The following MORN1 variants were observed in gnomAD, a reference collection of about 807,000 sequenced individuals.
MORN1 encodes MORN repeat containing 1.
A neutral mutation model predicts 61.9 loss-of-function variants in MORN1; 67 were observed. The observed-to-expected ratio is 1.08, with a 90% CI of 0.89 to 1.33. The LOEUF (loss-of-function observed/expected upper bound fraction) is 1.33. Among genes scored for constraint, MORN1 ranks in the 40% most tolerant of loss-of-function variants. The pLI is 0.00. For missense variants in MORN1, 752 were observed against 691.2 expected, an observed-to-expected ratio of 1.09 and a Z score of -0.99; for synonymous variants, 301 against 292.0, an observed-to-expected ratio of 1.03 and a Z score of -0.31.
rs1641794951 is a variant in MORN1, at chr1:2,357,249, G to A, written c.1036+183C>T. On this transcript the variant is annotated intron_variant, in intron 10 of 13. Coordinates refer to ENST00000378531, the MANE Select transcript of MORN1 (RefSeq NM_024848.3). The surrounding 1 kb of genome is among the most constrained non-coding windows in gnomAD (Gnocchi z 6.3). ...TCGGCTTGAGCCTCCGCAGCCACCC[G>A]TGACTGCTTGTCTGGGGATGTGGGC... Among the ~76,000 whole-genome samples, 1 of 152,178 alleles carries A rather than the reference G, an allele frequency of 6.6e-6. No homozygotes were observed.
At chr1:2,366,973 T>C (rs1642008390) in intron 8 of MORN1, among the ~76,000 whole-genome samples, 1 of 149,108 alleles carries the variant, frequency 6.7e-6, no homozygotes, top group South Asian at 2.1e-4. Context: ...CATAGAAAAA[T>C]ACATAGAAAA....
At chr1:2,345,717 C>CT (rs775947175) in intron 10 of MORN1, among the ~76,000 whole-genome samples, 2 of 152,224 alleles carry the variant, frequency 1.3e-5, no homozygotes, top group African/African-American at 4.8e-5. Flanking sequence ...GTGAGCAGCT[C>CT]TGACCCCAGG....
chr1:2,387,425 G>A lies in MORN1; in HGVS notation c.352C>T (p.Arg118Trp), dbSNP rs144594161. 8.1e-6 allele frequency: 13 copies of A among 1,611,942 alleles called. No homozygotes were observed. The highest frequency in any genetic ancestry group is 1.7e-4 in the Middle Eastern group (1 of 6,050). Residue 118 changes from arginine (R) to tryptophan (W), a missense_variant, in exon 4 of 14, where the codon CGG (arginine) becomes TGG (tryptophan). Physicochemically the swap from Arg to Trp is moderately radical, Grantham distance 101. Coordinates refer to ENST00000378531, the MANE Select transcript of MORN1 (RefSeq NM_024848.3). ...GCTCCTGTGGGCGCCAGACCTTCCC[G>A]CATGCCGTGGGAGACCTCCCCTTCA... ...CYEGEVSHGM[R>W]EGHGFLVDRD...
chr1:2,374,292 A>G (rs1416933355), intron 7 of MORN1, among the ~76,000 whole-genome samples, 169 bp downstream of exon 7: 1 of 152,198 alleles, frequency 6.6e-6, no homozygotes, highest in Non-Finnish European at 1.5e-5. Flanking sequence ...CACTTTTGAC[A>G]TCAGATTAGA....
chr1:2,388,352 C>T lies in MORN1; in HGVS notation c.149-15G>A, dbSNP rs773567575. The T allele has an allele frequency of 5.0e-6, 8 of 1,604,338 alleles. No individual in the cohort carries two copies. The East Asian group carries it at 1.1e-4, about 22-fold the overall frequency. ...CTTCCCGTGACCTGGCAGGAGAAAT[C>T]GTCACGTGAACTCAGACAGTGGTTG... On this transcript the variant is annotated splice_polypyrimidine_tract_variant and intron_variant, in intron 2 of 13. Transcript: ENST00000378531.
intron 12 of MORN1, among the ~76,000 whole-genome samples, chr1:2,324,915 G>T (rs911676222): frequency 1.3e-5 from 2 of 151,890 alleles, no homozygotes; most frequent in African/African-American, 4.8e-5. Flanking sequence ...AAGCAGGTGG[G>T]CCCTGAGGAC....
chr1:2,387,551 G>A lies in MORN1; in HGVS notation c.248-22C>T, dbSNP rs767808907. On this transcript the variant is annotated intron_variant, in intron 3 of 13. Transcript: ENST00000378531. ...TCTCCTGCATGTGGACAAGGAGGAGGGGAGACAGGAGGTTCAGTTCAGGGC... is the reference window on the plus strand; with the variant it reads ...TCTCCTGCATGTGGACAAGGAGGAGAGGAGACAGGAGGTTCAGTTCAGGGC... 5 of 1,564,110 alleles carry A rather than the reference G, an allele frequency of 3.2e-6. No homozygotes were observed. In the East Asian group the frequency reaches 1.1e-4, roughly 35 times the overall value.
intron 1 of MORN1, chr1:2,390,489 TCTC>T (rs1251592882): frequency 1.0e-6 from 1 of 985,258 alleles, no homozygotes; most frequent in Non-Finnish European, 1.2e-6. Flanking sequence ...GCCGGCTTCA[TCTC>T]CTCCTAGTTG....
chr1:2,381,544 A>G (rs1642371904), intron 6 of MORN1, among the ~76,000 whole-genome samples: 1 of 152,124 alleles, frequency 6.6e-6, no homozygotes, highest in East Asian at 1.9e-4. Flanking sequence ...AGGCGGTCCC[A>G]GGGCCTGCCC....
intron 10 of MORN1, among the ~76,000 whole-genome samples, chr1:2,338,680 C>A (rs1004795667): frequency 4.6e-5 from 7 of 152,154 alleles, no homozygotes; most frequent in African/African-American, 1.7e-4. Context: ...TTTTAGAAGC[C>A]CAGCAGGCAT....
rs182424447 is a variant in MORN1, at chr1:2,371,840, G to A, written c.745+641C>T. 615 of 177,700 alleles carry A rather than the reference G, an allele frequency of 3.5e-3. 8 individuals are homozygous for A. The highest frequency in any genetic ancestry group is 0.014 in the African/African-American group (568 of 41,774). The allele number at this position is 177,700 out of a possible 1,614,324, so 11.0% of individuals were successfully genotyped here. On this transcript the variant is annotated intron_variant, in intron 8 of 13. Coordinates refer to ENST00000378531, the MANE Select transcript of MORN1 (RefSeq NM_024848.3). ...GCAGAATCACTTGAACGCGGGAGGC[G>A]GAGGTTGCGGAGAGCCGACATTGCA...
intron 10 of MORN1, among the ~76,000 whole-genome samples, chr1:2,353,201 T>C (rs1012310443): frequency 1.2e-4 from 19 of 152,228 alleles, no homozygotes; most frequent in African/African-American, 4.3e-4. Context: ...GGGACTTCGG[T>C]TTCGTTTTTT....
intron 12 of MORN1, among the ~76,000 whole-genome samples, chr1:2,328,257 G>T (rs947653964): frequency 3.3e-5 from 5 of 152,282 alleles, no homozygotes; most frequent in Admixed American, 3.3e-4. Flanking sequence ...GCCAGGCCAG[G>T]GAGGGCGGTT....
chr1:2,384,269 G>A (rs888962112), intron 6 of MORN1, among the ~76,000 whole-genome samples: 39 of 152,188 alleles, frequency 2.6e-4, no homozygotes, highest in Admixed American at 2.4e-3. Flanking sequence ...GCCTTTGCCC[G>A]CACATCCAAC....
intron 10 of MORN1, chr1:2,355,380 T>C: frequency 1.3e-6 from 2 of 1,547,322 alleles, no homozygotes; most frequent in Non-Finnish European, 1.7e-6. Flanking sequence ...TGCTCTTTTA[T>C]ATGATGAATG....
intron 10 of MORN1, among the ~76,000 whole-genome samples, chr1:2,344,230 C>T (rs1419036026): frequency 6.6e-6 from 1 of 152,166 alleles, no homozygotes; most frequent in Non-Finnish European, 1.5e-5. Flanking sequence ...AGCGGCATCA[C>T]CTGAGGGCTG....
intron 12 of MORN1, among the ~76,000 whole-genome samples, chr1:2,333,297 A>G (rs2100245233): frequency 6.6e-6 from 1 of 152,314 alleles, no homozygotes; most frequent in African/African-American, 2.4e-5. Context: ...AGCAGTGGGG[A>G]TGCCAGCTGG....
intron 7 of MORN1, among the ~76,000 whole-genome samples, chr1:2,373,514 C>T (rs1329107534): frequency 1.3e-5 from 2 of 152,190 alleles, no homozygotes; most frequent in African/African-American, 2.4e-5. Flanking sequence ...GGGCTGGGAT[C>T]TGGATTCTTT....
Position 2,337,684 on chromosome 1 carries a change from G to A in MORN1, c.1037-834C>T, listed in dbSNP as rs929008636. Among the ~76,000 whole-genome samples, 6 of 152,282 alleles carry A rather than the reference G, an allele frequency of 3.9e-5. No homozygotes were observed. Among genetic ancestry groups the A allele is most frequent in the South Asian group, 2.1e-4 (1 of 4,824 alleles). On this transcript the variant is annotated intron_variant, in intron 10 of 13. Transcript: ENST00000378531. The surrounding 1 kb of genome is among the most constrained non-coding windows in gnomAD (Gnocchi z 5.7). ...GAGCCCACGTTCCTACGAGCAGCTCGGAGCTGTCCTGACACCGCTGCCCCG... is the reference window on the plus strand; with the variant it reads ...GAGCCCACGTTCCTACGAGCAGCTCAGAGCTGTCCTGACACCGCTGCCCCG...
Sources: gnomAD v4.1 joint callset for allele counts (sites outside exome capture counted in the v4.1 genomes callset) on GRCh38, gnomAD v4.1.1 for gene constraint, Gnocchi (gnomAD v3.1) non-coding constraint, MANE v1.5 for transcripts, NCBI Gene and HGNC (gene_info 2026-07-23, HGNC 2026-07-21) for gene names.